Variants in COL4A2 observed in about 807,000 individuals in gnomAD.
COL4A2 encodes collagen alpha-2(IV) chain.
In COL4A2, 99 loss-of-function variants were observed where a neutral mutation model predicts 200.2. The ratio of observed to expected loss-of-function variants is 0.49; its 90% CI spans 0.42 to 0.58. The LOEUF is 0.58. COL4A2 is among the 20% of genes least tolerant of loss of function. The pLI is 0.00. For missense variants in COL4A2, 1,950 were observed against 2,314.1 expected (o/e 0.84, Z 3.23); for synonymous variants, 897 against 900.6 (o/e 1.00, Z 0.07).
intron 3 of COL4A2, among the ~76,000 whole-genome samples, chr13:110,327,065 C>T: frequency 6.7e-6 from 1 of 148,784 alleles, no homozygotes; most frequent in South Asian, 2.1e-4. Flanking sequence ...GCAGACACCG[C>T]TCCCACCCCA....
Position 110,456,704 on chromosome 13 carries a change from A to G in COL4A2, c.1340-639A>G, listed in dbSNP as rs184799226. 1.0e-3 allele frequency: 487 copies of G among 467,690 alleles called. 6 individuals are homozygous for G. The Admixed American group carries it at 0.011, about 11-fold the overall frequency. 29.0% of individuals were successfully genotyped at this position (467,690 alleles called of 1,614,324 possible). On this transcript the variant is annotated intron_variant, in intron 20 of 47. Coordinates refer to ENST00000360467, the MANE Select transcript of COL4A2 (RefSeq NM_001846.4). ...TGAAAGCCACCCTGGGCTGGGTGGG[A>G]CACCAGGCGTCTCTGTGGTGCCCAT...
intron 27 of COL4A2, chr13:110,468,214 C>T: frequency 2.1e-6 from 1 of 471,442 alleles, no homozygotes; most frequent in South Asian, 1.5e-5. Flanking sequence ...GAGCACAGGA[C>T]AAATGCAGAG....
chr13:110,456,508 C>G, intron 20 of COL4A2: 1 of 327,542 alleles, frequency 3.1e-6, no homozygotes, highest in East Asian at 8.6e-5. Context: ...CAATGTTTCT[C>G]AAAAGGAATA....
At chr13:110,441,789 C>A (rs758219628) in intron 16 of COL4A2, among the ~76,000 whole-genome samples, 1 of 152,066 alleles carries the variant, frequency 6.6e-6, no homozygotes, top group South Asian at 2.1e-4. Flanking sequence ...ACACAAGGGA[C>A]TTGTAGTATT....
chr13:110,442,344 G>A (rs1368877727), intron 16 of COL4A2, among the ~76,000 whole-genome samples: 1 of 152,202 alleles, frequency 6.6e-6, no homozygotes, highest in Admixed American at 6.5e-5. Context: ...CTATAGAAAT[G>A]GGAAATAGGC....
rs34603892 is a variant in COL4A2, at chr13:110,503,976, G to GC, written c.4275dup (p.Gly1426ArgfsTer30). ...GCACCGGGGGAGATGGGGCCCCAGG[G>GC]CCCCCCCGGAGAACCAGGTAGAGTG... On this transcript the variant is annotated frameshift_variant, in exon 44 of 48. Coordinates refer to ENST00000360467, the MANE Select transcript of COL4A2 (RefSeq NM_001846.4). LOFTEE classifies it high-confidence loss of function. The GC allele has an allele frequency of 3.0e-5, 47 of 1,559,826 alleles. No homozygotes were observed. The highest frequency in any genetic ancestry group is 6.9e-5 in the African/African-American group (5 of 72,154).
intron 3 of COL4A2, among the ~76,000 whole-genome samples, chr13:110,343,285 C>T (rs1876543201): frequency 6.6e-6 from 1 of 152,150 alleles, no homozygotes; most frequent in Admixed American, 6.5e-5. Flanking sequence ...CTGCGCCTGT[C>T]CGTACCCAGT....
In COL4A2 at chr13:110,512,529, A is replaced by G. The variant is rs1353021232; in HGVS notation, c.*338A>G. 2.1e-5 allele frequency: 6 copies of G among 279,976 alleles called. No individual in the cohort carries two copies. Among genetic ancestry groups the G allele is most frequent in the East Asian group, 9.3e-5 (1 of 10,764 alleles). The allele number at this position is 279,976 out of a possible 1,614,324, so 17.3% of individuals were successfully genotyped here. ...TGCCACAGACAACTCACATTGTTCA[A>G]CTCCCTTCTCGGGGTGGGACAGACG... On this transcript the variant is annotated 3_prime_UTR_variant, in exon 48 of 48. Transcript: ENST00000360467.
chr13:110,493,073 ACCCCCATG>A, intron 38 of COL4A2, 130 bp from the exon 39 acceptor site: 1 of 853,296 alleles, frequency 1.2e-6, no homozygotes. Context: ...GATGAGTGAC[ACCCCCATG>A]GGTGAAATAA....
intron 4 of COL4A2, among the ~76,000 whole-genome samples, chr13:110,401,428 G>A (rs535522170): frequency 2.0e-5 from 3 of 152,318 alleles, no homozygotes; most frequent in Admixed American, 1.3e-4. Flanking sequence ...CTAATTAAGT[G>A]GGTTTTGAAG....
At chr13:110,420,272 C>T (rs892294460) in intron 4 of COL4A2, among the ~76,000 whole-genome samples, 17 of 152,338 alleles carry the variant, frequency 1.1e-4, no homozygotes, top group African/African-American at 4.1e-4. Context: ...TCACTACATG[C>T]AGTTGCCGTG....
intron 4 of COL4A2, among the ~76,000 whole-genome samples, chr13:110,405,484 C>G (rs9521746): frequency 2.0e-5 from 3 of 150,330 alleles, no homozygotes; most frequent in Non-Finnish European, 4.4e-5. Flanking sequence ...CACTCCCAGA[C>G]CCGTCTTCTC....
chr13:110,395,918 C>T (rs930868598), intron 4 of COL4A2, among the ~76,000 whole-genome samples: 2 of 152,194 alleles, frequency 1.3e-5, no homozygotes, highest in Non-Finnish European at 2.9e-5. Flanking sequence ...GCACTTTAGT[C>T]TGGGCAACGG....
intron 4 of COL4A2, among the ~76,000 whole-genome samples, chr13:110,392,702 C>G (rs1473728142): frequency 6.6e-6 from 1 of 152,202 alleles, no homozygotes; most frequent in African/African-American, 2.4e-5. Context: ...TCTCCCGACC[C>G]TTATCTAACT....
intron 3 of COL4A2, among the ~76,000 whole-genome samples, chr13:110,338,481 C>A (rs890376999): frequency 1.2e-4 from 18 of 152,060 alleles, no homozygotes; most frequent in Admixed American, 1.0e-3. Flanking sequence ...CACTGAGGCT[C>A]TAGGGAGCCC....
At chr13:110,363,553 T>C (rs1478664441) in intron 4 of COL4A2, among the ~76,000 whole-genome samples, 1 of 152,096 alleles carries the variant, frequency 6.6e-6, no homozygotes, top group Non-Finnish European at 1.5e-5. Context: ...AAATTCTTTG[T>C]CTTTGGCTCC....
At chr13:110,359,124 C>T (rs1877411171) in intron 4 of COL4A2, among the ~76,000 whole-genome samples, 1 of 152,180 alleles carries the variant, frequency 6.6e-6, no homozygotes, top group African/African-American at 2.4e-5. Context: ...AAAATATTTA[C>T]TCCCTGAATG....
At chr13:110,485,579 C>G in intron 33 of COL4A2, 76 bp from the exon 34 acceptor site, 1 of 1,086,904 alleles carries the variant, frequency 9.2e-7, no homozygotes, top group East Asian at 2.5e-5. Flanking sequence ...AAAATGCATC[C>G]AGGCTGCAAA....
intron 29 of COL4A2, among the ~76,000 whole-genome samples, chr13:110,475,543 T>C (rs1882673987): frequency 6.6e-6 from 1 of 152,242 alleles, no homozygotes; most frequent in Admixed American, 6.5e-5. Flanking sequence ...CGATGTCTTA[T>C]TAAGGTCTTT....
Sources: gnomAD v4.1 joint callset for allele counts (sites outside exome capture counted in the v4.1 genomes callset) on GRCh38, gnomAD v4.1.1 for gene constraint, MANE v1.5 for transcripts, NCBI Gene and HGNC (gene_info 2026-07-23, HGNC 2026-07-21) for gene names.